Variants in RIMS1 observed in about 807,000 individuals in gnomAD.
RIMS1 encodes the protein regulating synaptic membrane exocytosis protein 1.
In RIMS1, 83 loss-of-function variants were observed where a neutral mutation model predicts 214.1. That is an observed-to-expected ratio of 0.39 (90% CI 0.32 to 0.47). The LOEUF is 0.47. Among genes scored for constraint, RIMS1 ranks in the 20% least tolerant of loss-of-function variants. The pLI, the probability that RIMS1 is intolerant of heterozygous loss-of-function variation, is 0.99. For synonymous variants in RIMS1, 793 were observed against 786.8 expected (o/e 1.01, Z -0.13); for missense variants, 2,050 against 2,161.8 (o/e 0.95, Z 1.03).
At position 72,402,396 on chromosome 6, in the gene RIMS1, C is replaced by T. The variant is rs886061721; in HGVS notation, c.*1682C>T. 7 of 152,590 alleles carry T rather than the reference C, an allele frequency of 4.6e-5. No homozygotes were observed. The highest frequency in any genetic ancestry group is 1.4e-4 in the African/African-American group (6 of 41,446). 9.5% of individuals were successfully genotyped at this position (152,590 alleles called of 1,614,324 possible). A position where few individuals can be genotyped will look rare whatever the true frequency, so the allele number is the denominator to read the frequency against. On this transcript the variant is annotated 3_prime_UTR_variant, in exon 34 of 34. Coordinates refer to ENST00000521978, the MANE Select transcript of RIMS1 (RefSeq NM_014989.7). ...TAGATGGACTTTATTTTTTACCCTC[C>T]GGAAAACGTGATGTAGTACGGACCA...
At chr6:72,154,104 C>T (rs372780286) in intron 4 of RIMS1, among the ~76,000 whole-genome samples, 46 of 152,164 alleles carry the variant, frequency 3.0e-4, no homozygotes, top group African/African-American at 9.9e-4. Flanking sequence ...AATACACACA[C>T]GCACGCACTC....
chr6:72,037,508 T>G (rs1266493541), intron 2 of RIMS1, among the ~76,000 whole-genome samples: 1 of 152,038 alleles, frequency 6.6e-6, no homozygotes, highest in Non-Finnish European at 1.5e-5. Flanking sequence ...CCTTGAGGTT[T>G]TAGTTTTTTT....
intron 2 of RIMS1, among the ~76,000 whole-genome samples, chr6:72,017,507 AAAGT>A (rs1200532253): frequency 3.9e-5 from 6 of 152,344 alleles, no homozygotes. Context: ...TATTAAAAAT[AAAGT>A]AAGGTAAAAA....
At chr6:71,913,792 C>A (rs1777587547) in intron 1 of RIMS1, among the ~76,000 whole-genome samples, 1 of 152,092 alleles carries the variant, frequency 6.6e-6, no homozygotes, top group Non-Finnish European at 1.5e-5. Context: ...TGCCAGCACA[C>A]TTCTCTCTCC....
rs1767865255 is a variant in RIMS1, at chr6:71,886,685, G to C, written c.-339G>C. The C allele has an allele frequency of 6.6e-6, 1 of 151,980 alleles. No individual in the cohort carries two copies. The highest frequency in any genetic ancestry group is 1.5e-5 in the Non-Finnish European group (1 of 68,058). The allele number at this position is 151,980 out of a possible 1,614,324, so 9.4% of individuals were successfully genotyped here. A position where few individuals can be genotyped will look rare whatever the true frequency, so the allele number is the denominator to read the frequency against. On this transcript the variant is annotated 5_prime_UTR_variant, in exon 1 of 34. Transcript: ENST00000521978. ...CGCCCGGATCGGCGGAGCCTGGCGC[G>C]AGCCCTCGCCCCCTCGCCTCTCCCG...
At chr6:72,125,836 C>A (rs566091126) in intron 4 of RIMS1, among the ~76,000 whole-genome samples, 26 of 152,296 alleles carry the variant, frequency 1.7e-4, no homozygotes, top group Admixed American at 9.1e-4. Context: ...TTGCTAAGAC[C>A]GTTGGAAAAG....
intron 2 of RIMS1, among the ~76,000 whole-genome samples, chr6:71,980,642 A>G (rs1165534221): frequency 6.6e-6 from 1 of 152,084 alleles, no homozygotes; most frequent in Non-Finnish European, 1.5e-5. Flanking sequence ...AAGTTTCAGG[A>G]TAATGAATTT....
chr6:72,216,823 C>A (rs947709970), intron 6 of RIMS1: 1 of 996,816 alleles, frequency 1.0e-6, no homozygotes, highest in Non-Finnish European at 1.2e-6. Flanking sequence ...AGCTTCTGTG[C>A]ATTGTTTTAG....
intron 29 of RIMS1, among the ~76,000 whole-genome samples, chr6:72,357,236 A>C: frequency 6.6e-6 from 1 of 152,192 alleles, no homozygotes; most frequent in East Asian, 1.9e-4. Context: ...TTTAATCCTC[A>C]ACTAGGTTCA....
intron 29 of RIMS1, among the ~76,000 whole-genome samples, chr6:72,355,527 T>A (rs990267067): frequency 1.3e-5 from 2 of 152,286 alleles, no homozygotes; most frequent in South Asian, 2.1e-4. Context: ...AGGCGAATTG[T>A]GTTATTATTC....
intron 4 of RIMS1, among the ~76,000 whole-genome samples, chr6:72,120,650 A>G (rs1473437648): frequency 6.6e-6 from 1 of 151,736 alleles, no homozygotes; most frequent in Admixed American, 6.6e-5. Context: ...GAAGCTCTTT[A>G]GTTTAATTAG....
intron 1 of RIMS1, among the ~76,000 whole-genome samples, chr6:71,890,339 G>T (rs1229653332): frequency 7.0e-6 from 1 of 142,976 alleles, no homozygotes; most frequent in Non-Finnish European, 1.5e-5. Context: ...TATGTTTAAT[G>T]ATTGACTTAA....
At chr6:72,299,944 T>G (rs2094460096) in intron 26 of RIMS1, among the ~76,000 whole-genome samples, 1 of 151,806 alleles carries the variant, frequency 6.6e-6, no homozygotes, top group Admixed American at 6.6e-5. Flanking sequence ...TTTTCTGTTA[T>G]TGTGTGTTAA....
chr6:72,031,598 G>A (rs1204252369), intron 2 of RIMS1, among the ~76,000 whole-genome samples: 12 of 152,094 alleles, frequency 7.9e-5, no homozygotes, highest in African/African-American at 2.9e-4. Flanking sequence ...AATTTCATAT[G>A]AGTAAACACT....
At chr6:72,021,156 G>A (rs996474119) in intron 2 of RIMS1, among the ~76,000 whole-genome samples, 5 of 152,194 alleles carry the variant, frequency 3.3e-5, no homozygotes, top group Non-Finnish European at 7.3e-5. Flanking sequence ...ACTTTAGATT[G>A]AAATTGTCTC....
chr6:72,108,688 T>G (rs905210724), intron 4 of RIMS1, among the ~76,000 whole-genome samples: 20 of 150,852 alleles, frequency 1.3e-4, no homozygotes, highest in Admixed American at 3.3e-4. Flanking sequence ...TTTCAGTTTA[T>G]TTTATTTTAT....
intron 1 of RIMS1, among the ~76,000 whole-genome samples, chr6:71,898,673 A>C (rs1228335660): frequency 6.6e-6 from 1 of 152,172 alleles, no homozygotes; most frequent in Admixed American, 6.5e-5. Flanking sequence ...CTTTCTGAAC[A>C]TAGTGCTCCA....
chr6:72,177,332 A>C (rs553770450), intron 4 of RIMS1, among the ~76,000 whole-genome samples: 1 of 152,194 alleles, frequency 6.6e-6, no homozygotes, highest in African/African-American at 2.4e-5. Context: ...GCTCACTGAA[A>C]CCTCTGCCTT....
At chr6:72,244,240 T>G (rs1329162489) in intron 10 of RIMS1, among the ~76,000 whole-genome samples, 1 of 151,238 alleles carries the variant, frequency 6.6e-6, no homozygotes, top group Non-Finnish European at 1.5e-5. Context: ...CCTTTATGCT[T>G]TTAATTGTTA....
Sources: allele counts gnomAD v4.1 joint callset (sites outside exome capture counted in the v4.1 genomes callset), GRCh38; gene constraint gnomAD v4.1.1; transcripts MANE v1.5; gene names NCBI Gene and HGNC (gene_info 2026-07-23, HGNC 2026-07-21).